The following PEAK1 variants were observed in gnomAD, a reference collection of about 807,000 sequenced individuals.
The protein encoded by PEAK1 is inactive tyrosine-protein kinase PEAK1.
In PEAK1, 54 loss-of-function variants were observed where a neutral mutation model predicts 124.7. The observed-to-expected ratio is 0.43, with a 90% CI of 0.35 to 0.54. The LOEUF (loss-of-function observed/expected upper bound fraction) is 0.54. PEAK1 is among the 20% of genes least tolerant of loss of function. The pLI is 0.01. For synonymous variants in PEAK1, 719 were observed against 760.0 expected (o/e 0.95, Z 0.89); for missense variants, 2,046 against 2,134.5 (o/e 0.96, Z 0.82).
At chr15:77,115,433 T>C in intron 9 of PEAK1, 114 bp from the exon 10 acceptor site, 3 of 974,618 alleles carry the variant, frequency 3.1e-6, no homozygotes, top group Non-Finnish European at 4.5e-6. Flanking sequence ...TATAGTAAAG[T>C]TGTTCGCAAG....
chr15:77,151,994 C>T (rs940620396), intron 8 of PEAK1, among the ~76,000 whole-genome samples: 13 of 152,214 alleles, frequency 8.5e-5, no homozygotes, highest in Admixed American at 8.5e-4. Flanking sequence ...TTCATATGAA[C>T]TTTAAAGTAG....
intron 5 of PEAK1, among the ~76,000 whole-genome samples, chr15:77,265,596 T>C (rs2061679601): frequency 6.6e-6 from 1 of 151,998 alleles, no homozygotes; most frequent in African/African-American, 2.4e-5. Flanking sequence ...CATTAAAAAG[T>C]CAGGAAACAA....
At position 77,179,059 on chromosome 15, in the gene PEAK1, A is replaced by G. The variant is rs1391706418; in HGVS notation, c.2868T>C (p.Asp956=). ...GAGGCAGCATGTGAATGACTGTGCC[A>G]TCCAGGCCCACCAGTTTCCCTTTCT... ...EREKGKLVGL[D]GTVIHMLPPP... The change falls in exon 7 of 10, where the codon GAT becomes GAC. Residue 956 remains aspartate (D), a synonymous_variant. Coordinates refer to ENST00000682557, the MANE Select transcript of PEAK1 (RefSeq NM_001385026.1). 9.9e-6 allele frequency: 16 copies of G among 1,614,032 alleles called. No individual in the cohort carries two copies. The highest frequency in any genetic ancestry group is 1.4e-5 in the Non-Finnish European group (16 of 1,180,022).
At position 77,181,041 on chromosome 15, in the gene PEAK1, G is replaced by T; in HGVS notation, c.886C>A (p.Leu296Met). 6.2e-7 allele frequency: 1 copy of T among 1,614,152 alleles called. No homozygotes were observed. Among genetic ancestry groups the T allele is most frequent in the East Asian group, 2.2e-5 (1 of 44,888 alleles). ...FVDKKWNTIP[L>M]RNKSLQRICA... is the part of the protein sequence containing the mutation. The stretch of plus-strand genomic sequence containing the variant: ...ATTCTCTGCAGAGACTTGTTTCGCA[G>T]GGGGATGGTATTCCATTTTTTGTCC... The change falls in exon 7 of 10, where the codon CTG becomes ATG. Residue 296 changes from leucine (L) to methionine (M), a missense_variant. Transcript: ENST00000682557.
Position 77,180,502 on chromosome 15 carries a change from A to G in PEAK1, c.1425T>C (p.Tyr475=), listed in dbSNP as rs773598836. The change falls in exon 7 of 10, where the codon TAT becomes TAC. Residue 475 remains tyrosine, a synonymous_variant. Coordinates refer to ENST00000682557, the MANE Select transcript of PEAK1 (RefSeq NM_001385026.1). ...TGGCTGCTGACACATCCACGACAGTATATGGCTTGCACAATGGCTGTTCCA... is the reference window on the plus strand; with the variant it reads ...TGGCTGCTGACACATCCACGACAGTGTATGGCTTGCACAATGGCTGTTCCA... ...VNLEQPLCKP[Y]TVVDVSAAMA... is the part of the protein sequence containing the mutation. 4.8e-5 allele frequency: 77 copies of G among 1,614,026 alleles called. No homozygotes were observed. The highest frequency in any genetic ancestry group is 6.0e-5 in the Non-Finnish European group (71 of 1,180,022).
chr15:77,245,037 CCTA>C (rs1395017674), intron 6 of PEAK1, among the ~76,000 whole-genome samples: 3 of 152,158 alleles, frequency 2.0e-5, no homozygotes, highest in Admixed American at 1.3e-4. Context: ...AATAATTCCC[CCTA>C]CCACTTCAAT....
chr15:77,125,645 C>T (rs2052312734), intron 9 of PEAK1, among the ~76,000 whole-genome samples: 1 of 152,182 alleles, frequency 6.6e-6, no homozygotes, highest in Non-Finnish European at 1.5e-5. Context: ...AAGGTAACAG[C>T]TAATATGTAG....
intron 6 of PEAK1, among the ~76,000 whole-genome samples, chr15:77,190,273 T>A (rs2057768607): frequency 6.6e-6 from 1 of 152,232 alleles, no homozygotes; most frequent in Non-Finnish European, 1.5e-5. Flanking sequence ...CACAATACTT[T>A]GAAGAAGTAT....
At chr15:77,250,485 T>C (rs2060828892) in intron 6 of PEAK1, among the ~76,000 whole-genome samples, 1 of 151,718 alleles carries the variant, frequency 6.6e-6, no homozygotes, top group Admixed American at 6.6e-5. Context: ...CAGACTGGAG[T>C]GCAGTGGCGC....
chr15:77,228,725 C>T (rs1298343511), intron 6 of PEAK1, among the ~76,000 whole-genome samples: 2 of 151,992 alleles, frequency 1.3e-5, no homozygotes, highest in African/African-American at 4.8e-5. Context: ...TTTATGACTA[C>T]TTTGGTATGA....
At chr15:77,336,641 C>T in intron 2 of PEAK1, 1 of 592,342 alleles carries the variant, frequency 1.7e-6, no homozygotes, top group Non-Finnish European at 2.1e-6. Flanking sequence ...TAATGGACAT[C>T]CAACAACAGA....
Position 77,346,297 on chromosome 15 carries a change from G to T in PEAK1, c.-603+18866C>A. The T allele has an allele frequency of 6.3e-6, 6 of 947,464 alleles. 1 individual carries two copies. The South Asian group carries it at 2.9e-4, about 46-fold the overall frequency. 58.7% of individuals were successfully genotyped at this position (947,464 alleles called of 1,614,324 possible). A position where few individuals can be genotyped will look rare whatever the true frequency, so the allele number is the denominator to read the frequency against. ...ACTCAGAATTCAAATTGCAGCAGCA[G>T]GTCATTATTTTGTTCTATTCTATTG... is the stretch of plus-strand genomic sequence containing the variant. On this transcript the variant is annotated intron_variant, in intron 2 of 9. Transcript: ENST00000682557.
intron 6 of PEAK1, among the ~76,000 whole-genome samples, chr15:77,195,275 T>C (rs867880050): frequency 1.3e-5 from 2 of 152,124 alleles, no homozygotes; most frequent in Non-Finnish European, 2.9e-5. Context: ...AATTCATTCT[T>C]TCAAAGGAAC....
intron 6 of PEAK1, among the ~76,000 whole-genome samples, chr15:77,191,003 A>G (rs928851417): frequency 6.6e-6 from 1 of 152,256 alleles, no homozygotes; most frequent in Non-Finnish European, 1.5e-5. Flanking sequence ...TAAAGAATTT[A>G]TACCTAACTT....
At chr15:77,351,356 ATAGG>A (rs2067198151) in intron 2 of PEAK1, among the ~76,000 whole-genome samples, 1 of 152,206 alleles carries the variant, frequency 6.6e-6, no homozygotes, top group African/African-American at 2.4e-5. Context: ...GAGCTCGGTA[ATAGG>A]TAAGAATGAA....
At chr15:77,351,018 A>T (rs1172983247) in intron 2 of PEAK1, 3 of 878,306 alleles carry the variant, frequency 3.4e-6, no homozygotes, top group Non-Finnish European at 4.1e-6. Context: ...GGTATTAGAG[A>T]AATACCATGC....
intron 2 of PEAK1, 134 bp from the exon 3 acceptor site, chr15:77,286,638 A>G: frequency 2.2e-6 from 1 of 444,896 alleles, no homozygotes; most frequent in Non-Finnish European, 3.7e-6. Flanking sequence ...ACTTATTTTT[A>G]AGCTATAAAA....
Position 77,179,271 on chromosome 15 carries a change from A to G in PEAK1, c.2656T>C (p.Leu886=). The change falls in exon 7 of 10, where the codon TTG becomes CTG. Residue 886 remains leucine, a synonymous_variant. Coordinates refer to ENST00000682557, the MANE Select transcript of PEAK1 (RefSeq NM_001385026.1). Reference sequence around the variant, plus strand: ...GTCCAGTTGGTGAAATGCCTCTGCAAAAGGTTACCTGCATGGTAAGGAGAA... The same window carrying G: ...GTCCAGTTGGTGAAATGCCTCTGCAGAAGGTTACCTGCATGGTAAGGAGAA... ...TSSPYHAGNL[L]QRHFTNWTKP... is the part of the protein sequence containing the mutation. 6.2e-7 allele frequency: 1 copy of G among 1,614,128 alleles called. No homozygotes were observed.
rs1229342039 is a variant in PEAK1, at chr15:77,282,032, G to GA, written c.-275+1850dup. Among the ~76,000 whole-genome samples the GA allele has an allele frequency of 3.9e-5, 6 of 152,014 alleles. No homozygotes were observed. In the South Asian group the frequency reaches 6.2e-4, roughly 16 times the overall value. ...GCTAAGCAGCAATACACTTACAAAAGAAAAAACCAATCAATATTTCCATAT... is the reference window on the plus strand; with the variant it reads ...GCTAAGCAGCAATACACTTACAAAAGAAAAAAACCAATCAATATTTCCATAT... On this transcript the variant is annotated intron_variant, in intron 5 of 9. Transcript: ENST00000682557.
Sources: allele counts gnomAD v4.1 joint callset (sites outside exome capture counted in the v4.1 genomes callset), GRCh38; gene constraint gnomAD v4.1.1; transcripts MANE v1.5; gene names NCBI Gene and HGNC (gene_info 2026-07-23, HGNC 2026-07-21).